CDK14: variants seen among roughly 807,000 people sequenced by gnomAD.
CDK14 encodes cyclin dependent kinase 14, also known as cyclin-dependent kinase 14.
CDK14 carries 34 observed loss-of-function variants against 60.7 expected under a neutral mutation model. The ratio of observed to expected loss-of-function variants is 0.56; its 90% CI spans 0.43 to 0.75. The LOEUF is 0.75. Among genes scored for constraint, CDK14 ranks in the 30% least tolerant of loss-of-function variants. The pLI, the probability that CDK14 is intolerant of heterozygous loss-of-function variation, is 0.00. For synonymous variants in CDK14, 197 were observed against 203.7 expected (o/e 0.97, Z 0.28); for missense variants, 482 against 564.1 (o/e 0.85, Z 1.47).
rs1332950147 is a variant in CDK14 at position 91,191,936 on chromosome 7, G to A, written c.*29-15229G>A. On this transcript the variant is annotated intron_variant, in intron 14 of 14. Coordinates refer to ENST00000380050, the MANE Select transcript of CDK14 (RefSeq NM_001287135.2). ...AAGCCAGCAAGCAGATCAGCGGTAGGAGCAAAAACAGGCGTGGTTACTATG... is the reference window on the plus strand; with the variant it reads ...AAGCCAGCAAGCAGATCAGCGGTAGAAGCAAAAACAGGCGTGGTTACTATG... Among the ~76,000 whole-genome samples, 4 of 152,042 alleles carry A rather than the reference G, an allele frequency of 2.6e-5. No homozygotes were observed. In the East Asian group the frequency reaches 5.8e-4, roughly 22 times the overall value.
chr7:90,757,703 C>T (rs1044733754), intron 4 of CDK14, among the ~76,000 whole-genome samples: 6 of 151,922 alleles, frequency 3.9e-5, no homozygotes, highest in Admixed American at 2.0e-4. Context: ...GAGGCTTAAC[C>T]GATTCTCATG....
intron 2 of CDK14, among the ~76,000 whole-genome samples, chr7:90,641,274 A>G (rs1800323306): frequency 1.3e-5 from 2 of 152,112 alleles, no homozygotes; most frequent in South Asian, 4.1e-4. Flanking sequence ...TTCCACTCCA[A>G]AGTATATACC....
chr7:91,064,604 G>T (rs932095361), intron 11 of CDK14, among the ~76,000 whole-genome samples: 3 of 152,148 alleles, frequency 2.0e-5, no homozygotes, highest in Admixed American at 2.0e-4. Flanking sequence ...TAGAGTCCTG[G>T]TTCAGTCTCT....
chr7:90,739,711 A>G (rs879030399), intron 3 of CDK14, among the ~76,000 whole-genome samples: 1 of 152,176 alleles, frequency 6.6e-6, no homozygotes, highest in East Asian at 1.9e-4. Flanking sequence ...TTTAACTTAG[A>G]TTGCATTCAT....
intron 9 of CDK14, among the ~76,000 whole-genome samples, chr7:90,961,335 C>A (rs1042865983): frequency 2.6e-5 from 4 of 152,054 alleles, no homozygotes; most frequent in Non-Finnish European, 5.9e-5. Flanking sequence ...TTTTACTATA[C>A]AGTTTTATGC....
At chr7:91,140,080 G>A (rs972661532) in intron 14 of CDK14, among the ~76,000 whole-genome samples, 1 of 152,084 alleles carries the variant, frequency 6.6e-6, no homozygotes, top group African/African-American at 2.4e-5. Context: ...TTGTTCTTTA[G>A]GACGGGATGA....
At chr7:90,637,162 C>T (rs1444853351) in intron 2 of CDK14, among the ~76,000 whole-genome samples, 1 of 151,702 alleles carries the variant, frequency 6.6e-6, no homozygotes, top group Admixed American at 6.6e-5. Flanking sequence ...TTAGTTATTT[C>T]TTGCCTTCTG....
chr7:91,137,688 T>TTG (rs1800322775), intron 14 of CDK14, among the ~76,000 whole-genome samples: 1 of 37,812 alleles, frequency 2.6e-5, no homozygotes, highest in South Asian at 5.3e-4. Context: ...TAAAGACTTG[T>TTG]GGGGGGTGTG....
At chr7:91,193,272 C>A (rs1352699795) in intron 14 of CDK14, among the ~76,000 whole-genome samples, 1 of 152,104 alleles carries the variant, frequency 6.6e-6, no homozygotes, top group African/African-American at 2.4e-5. Context: ...ATCAGAAGGC[C>A]TATGAACCAT....
chr7:91,072,198 C>T (rs985182322), intron 11 of CDK14, among the ~76,000 whole-genome samples: 4 of 152,162 alleles, frequency 2.6e-5, no homozygotes, highest in African/African-American at 7.2e-5. Context: ...TCCTGCTCCC[C>T]GTGCCACCCA....
At chr7:90,767,021 A>G (rs1029964827) in intron 4 of CDK14, among the ~76,000 whole-genome samples, 7 of 152,062 alleles carry the variant, frequency 4.6e-5, no homozygotes, top group African/African-American at 1.4e-4. Flanking sequence ...CCCTCTGTCC[A>G]TCTGCAAGAT....
At chr7:91,092,414 C>T (rs1798857552) in intron 12 of CDK14, among the ~76,000 whole-genome samples, 1 of 152,200 alleles carries the variant, frequency 6.6e-6, no homozygotes, top group Non-Finnish European at 1.5e-5. Flanking sequence ...CCTAGGCATC[C>T]TCTTACCACA....
intron 1 of CDK14, 114 bp from the exon 2 acceptor site, chr7:90,604,104 T>A (rs1335454741): frequency 1.5e-6 from 1 of 660,110 alleles, no homozygotes; most frequent in Non-Finnish European, 2.6e-6. Flanking sequence ...TGGGGTACAA[T>A]TTACTTTCTG....
chr7:91,096,086 A>AC (rs1474403420), intron 12 of CDK14, among the ~76,000 whole-genome samples: 2 of 150,952 alleles, frequency 1.3e-5, no homozygotes, highest in Non-Finnish European at 3.0e-5. Flanking sequence ...AAAAAAAAAA[A>AC]AACAGTTATC....
At chr7:90,852,845 G>A (rs1790695007) in intron 5 of CDK14, among the ~76,000 whole-genome samples, 2 of 152,190 alleles carry the variant, frequency 1.3e-5, no homozygotes, top group South Asian at 4.1e-4. Context: ...GGCTTGTCCA[G>A]GCCTAGGAGG....
At chr7:91,129,998 T>TA (rs1245491849) in intron 14 of CDK14, among the ~76,000 whole-genome samples, 2 of 152,210 alleles carry the variant, frequency 1.3e-5, no homozygotes, top group Non-Finnish European at 2.9e-5. Context: ...AGTTCATTGA[T>TA]ATAGTTTCAG....
intron 2 of CDK14, among the ~76,000 whole-genome samples, chr7:90,704,677 C>G (rs1801858888): frequency 6.6e-6 from 1 of 152,042 alleles, no homozygotes; most frequent in Non-Finnish European, 1.5e-5. Context: ...AGAAAACACT[C>G]AAAGTTGTAT....
At chr7:91,093,951 G>A (rs1417913738) in intron 12 of CDK14, among the ~76,000 whole-genome samples, 1 of 152,016 alleles carries the variant, frequency 6.6e-6, no homozygotes, top group Non-Finnish European at 1.5e-5. Flanking sequence ...GAATGTTCTC[G>A]CTTGTAACTG....
chr7:91,105,835 C>T (rs1242877172), intron 12 of CDK14, among the ~76,000 whole-genome samples: 5 of 152,016 alleles, frequency 3.3e-5, no homozygotes, highest in East Asian at 1.9e-4. Flanking sequence ...ACTTAAGAGA[C>T]TATCAAAACT....
Sources: gnomAD v4.1 joint callset for allele counts (sites outside exome capture counted in the v4.1 genomes callset) on GRCh38, gnomAD v4.1.1 for gene constraint, MANE v1.5 for transcripts, NCBI Gene and HGNC (gene_info 2026-07-23, HGNC 2026-07-21) for gene names.